YPEL5: variants seen among roughly 807,000 people sequenced by gnomAD.
YPEL5 encodes the protein protein yippee-like 5.
In YPEL5, 1 loss-of-function variant was observed where a neutral mutation model predicts 10.5. The observed-to-expected ratio is 0.10, with a 90% confidence interval of 0.03 to 0.45. The LOEUF is 0.45. Among genes scored for constraint, YPEL5 ranks in the 20% least tolerant of loss-of-function variants. The pLI is 0.97. For missense variants in YPEL5, 68 were observed against 159.3 expected, an observed-to-expected ratio of 0.43 and a Z score of 3.09; for synonymous variants, 61 against 56.6, an observed-to-expected ratio of 1.08 and a Z score of -0.35.
chr2:30,153,077 A>G (rs1351582833), intron 1 of YPEL5, among the ~76,000 whole-genome samples: 1 of 151,694 alleles, frequency 6.6e-6, no homozygotes, highest in Non-Finnish European at 1.5e-5. Flanking sequence ...ATTTTTTTGT[A>G]TTTTTAGTAG....
chr2:30,151,656 A>G (rs1042777192), intron 1 of YPEL5, among the ~76,000 whole-genome samples: 1 of 152,322 alleles, frequency 6.6e-6, no homozygotes, highest in East Asian at 1.9e-4. Flanking sequence ...GGCCTTATTT[A>G]TAACATGATA....
rs750711475 is a variant in YPEL5, at chr2:30,158,804, T to A, written c.327T>A (p.Ser109Arg). The A allele has an allele frequency of 6.2e-7, 1 of 1,613,992 alleles. No homozygotes were observed. Among genetic ancestry groups the A allele is most frequent in the Non-Finnish European group, 8.5e-7 (1 of 1,179,990 alleles). Reference protein sequence around the residue: ...VILERALVRESEGFEEHVPSD... With the variant: ...VILERALVREREGFEEHVPSD... ...TGGAACGTGCTCTAGTTCGAGAGAG[T>A]GAGGGCTTTGAGGAGCATGTACCAT... is the stretch of plus-strand genomic sequence containing the variant. Residue 109 changes from serine (S) to arginine (R), a missense_variant, in exon 3 of 3, where the codon AGT becomes AGA. Physicochemically the swap from Ser to Arg is moderately radical, Grantham distance 110. This residue lies in a region of YPEL5 where 20 missense variants were observed against 21.0 expected (regional missense o/e 0.95). Transcript: ENST00000261353.
At chr2:30,148,077 G>T (rs1462923037) in intron 1 of YPEL5, 1 of 152,270 alleles carries the variant, frequency 6.6e-6, no homozygotes. Context: ...CCCCTTTCCT[G>T]TACCTTCTCT....
intron 2 of YPEL5, 44 bp from the exon 3 acceptor site, chr2:30,158,575 A>G: frequency 1.3e-6 from 2 of 1,585,996 alleles, no homozygotes; most frequent in Non-Finnish European, 1.7e-6. Flanking sequence ...CTTGGCAAAT[A>G]ACTAACATGC....
At position 30,158,984 on chromosome 2, in the gene YPEL5, T is replaced by A; in HGVS notation, c.*141T>A. On this transcript the variant is annotated 3_prime_UTR_variant, in exon 3 of 3. Coordinates refer to ENST00000261353, the MANE Select transcript of YPEL5 (RefSeq NM_016061.3). ...TTGTGAGAATCTAAGATGGAACCTT[T>A]CTTTCTTTCTTTCTTTTTTTTTAAA... is the stretch of plus-strand genomic sequence containing the variant. 1 of 752,988 alleles carries A rather than the reference T, an allele frequency of 1.3e-6. No homozygotes were observed. The highest frequency in any genetic ancestry group is 2.1e-6 in the Non-Finnish European group (1 of 477,634). The allele number at this position is 752,988 out of a possible 1,614,324, so 46.6% of individuals were successfully genotyped here.
intron 2 of YPEL5, among the ~76,000 whole-genome samples, 198 bp downstream of exon 2, chr2:30,156,990 G>A (rs938733217): frequency 6.6e-6 from 1 of 152,130 alleles, no homozygotes; most frequent in Non-Finnish European, 1.5e-5. Context: ...AACCTTGGAA[G>A]TTTGAAGAAG....
intron 1 of YPEL5, among the ~76,000 whole-genome samples, chr2:30,152,298 A>T (rs897293736): frequency 1.3e-5 from 2 of 152,140 alleles, no homozygotes; most frequent in African/African-American, 4.8e-5. Context: ...TTGTAGCTCT[A>T]TGTAGCAGAA....
intron 1 of YPEL5, among the ~76,000 whole-genome samples, chr2:30,149,873 T>C (rs1349108506): frequency 6.6e-6 from 1 of 152,246 alleles, no homozygotes; most frequent in Admixed American, 6.5e-5. Context: ...GGAAATGCCC[T>C]GAGGCGATGG....
At chr2:30,149,974 G>A (rs527697822) in intron 1 of YPEL5, among the ~76,000 whole-genome samples, 4 of 152,290 alleles carry the variant, frequency 2.6e-5, no homozygotes, top group Admixed American at 2.0e-4. Flanking sequence ...ACCCTCCCTG[G>A]TATTTTTAGG....
intron 1 of YPEL5, chr2:30,148,117 A>C (rs1675593093): frequency 6.6e-6 from 1 of 152,322 alleles, no homozygotes; most frequent in African/African-American, 2.4e-5. Flanking sequence ...GAGTGTCCGG[A>C]TCAGCGGGAG....
At chr2:30,151,266 T>A (rs1026814259) in intron 1 of YPEL5, among the ~76,000 whole-genome samples, 3 of 152,172 alleles carry the variant, frequency 2.0e-5, no homozygotes, top group Non-Finnish European at 1.5e-5. Context: ...TGGAGACTCT[T>A]TGGCTCTGAA....
At chr2:30,156,344 T>C (rs912685089) in intron 1 of YPEL5, 144 of 270,266 alleles carry the variant, frequency 5.3e-4, no homozygotes, top group Middle Eastern at 3.5e-3. Context: ...ATTTTCTTTT[T>C]CCACACCAGC....
chr2:30,154,648 C>G (rs1210970253), intron 1 of YPEL5, among the ~76,000 whole-genome samples: 1 of 152,236 alleles, frequency 6.6e-6, no homozygotes, highest in Non-Finnish European at 1.5e-5. Context: ...ATTTTTGTAT[C>G]TGTTCACTGC....
intron 1 of YPEL5, among the ~76,000 whole-genome samples, chr2:30,153,857 A>G (rs1675922903): frequency 6.6e-6 from 1 of 152,250 alleles, no homozygotes; most frequent in Non-Finnish European, 1.5e-5. Context: ...TCCAGTAAAA[A>G]TACTTGGGTA....
intron 1 of YPEL5, among the ~76,000 whole-genome samples, chr2:30,150,252 A>G (rs1033422553): frequency 1.3e-5 from 2 of 152,152 alleles, no homozygotes; most frequent in Non-Finnish European, 2.9e-5. Context: ...GTGAGTTGGG[A>G]TGGGGAATGT....
At chr2:30,153,322 C>G (rs979672518) in intron 1 of YPEL5, among the ~76,000 whole-genome samples, 1 of 152,162 alleles carries the variant, frequency 6.6e-6, no homozygotes, top group Non-Finnish European at 1.5e-5. Flanking sequence ...CCAGGAAGTC[C>G]AACATAAGAT....
intron 1 of YPEL5, among the ~76,000 whole-genome samples, chr2:30,155,403 T>A (rs937387747): frequency 1.3e-5 from 2 of 152,208 alleles, no homozygotes; most frequent in African/African-American, 4.8e-5. Context: ...AAATTTGTAA[T>A]GGAATTCCCC....
At chr2:30,147,366 A>G (rs1042025587) in intron 1 of YPEL5, 1 of 148,020 alleles carries the variant, frequency 6.8e-6, no homozygotes, top group African/African-American at 2.4e-5. Flanking sequence ...AACAGCCGCA[A>G]CCCCTCCGCG....
intron 1 of YPEL5, among the ~76,000 whole-genome samples, chr2:30,150,691 C>A (rs1179106506): frequency 6.6e-6 from 1 of 152,208 alleles, no homozygotes; most frequent in East Asian, 1.9e-4. Context: ...TAGCTTTAAT[C>A]CCAAATGCCA....
Sources: gnomAD v4.1 joint callset for allele counts (sites outside exome capture counted in the v4.1 genomes callset) on GRCh38, gnomAD v4.1.1 for gene constraint, gnomAD v4.1.1 regional missense constraint, MANE v1.5 for transcripts, NCBI Gene and HGNC (gene_info 2026-07-23, HGNC 2026-07-21) for gene names.